Variants in CNTN5 observed in about 807,000 individuals in gnomAD.
CNTN5 encodes the protein contactin-5.
Under a neutral mutation model 129.1 loss-of-function variants are expected in CNTN5, and 77 were observed. The observed-to-expected ratio is 0.60, with a 90% CI of 0.50 to 0.72. The LOEUF (loss-of-function observed/expected upper bound fraction) is 0.72, where lower values mean the gene tolerates loss of function less well. CNTN5 is among the 30% of genes least tolerant of loss of function. The pLI, the probability that CNTN5 is intolerant of heterozygous loss-of-function variation, is 0.00. For missense variants in CNTN5, 1,478 were observed against 1,328.8 expected, an observed-to-expected ratio of 1.11 and a Z score of -1.75; for synonymous variants, 509 against 465.6, an observed-to-expected ratio of 1.09 and a Z score of -1.20.
intron 1 of CNTN5, among the ~76,000 whole-genome samples, chr11:99,316,408 G>T (rs1865343675): frequency 6.6e-6 from 1 of 152,068 alleles, no homozygotes; most frequent in Non-Finnish European, 1.5e-5. Flanking sequence ...CATTTTTATA[G>T]TAAATTCTAG....
chr11:99,332,281 C>T (rs1866031642), intron 2 of CNTN5, among the ~76,000 whole-genome samples: 1 of 140,282 alleles, frequency 7.1e-6, no homozygotes, highest in African/African-American at 2.7e-5. Context: ...AAGATCAAAT[C>T]CTACTATTTC....
intron 13 of CNTN5, among the ~76,000 whole-genome samples, chr11:100,110,598 G>T (rs1018678526): frequency 2.0e-5 from 3 of 152,102 alleles, no homozygotes; most frequent in Admixed American, 1.3e-4. Flanking sequence ...TGAGAATAAG[G>T]TACCCTTTAT....
intron 9 of CNTN5, among the ~76,000 whole-genome samples, chr11:100,037,294 A>G (rs1237365638): frequency 6.6e-6 from 1 of 150,844 alleles, no homozygotes; most frequent in Non-Finnish European, 1.5e-5. Flanking sequence ...ATATTGAACC[A>G]GCCTTGCATC....
rs191604257 is a variant in CNTN5, at chr11:99,305,771, G to A, written c.-209-19575G>A. Among the ~76,000 whole-genome samples the A allele has an allele frequency of 1.3e-3, 196 of 151,806 alleles. 1 individual carries two copies. The highest frequency in any genetic ancestry group is 4.5e-3 in the African/African-American group (186 of 41,424). On this transcript the variant is annotated intron_variant, in intron 1 of 24. Coordinates refer to ENST00000524871, the MANE Select transcript of CNTN5 (RefSeq NM_014361.4). ...TGAGGCAGGTGGATCACCTGAGGTCGGGAGTTCGGGACCAGCCTGACAAAC... is the reference window on the plus strand; with the variant it reads ...TGAGGCAGGTGGATCACCTGAGGTCAGGAGTTCGGGACCAGCCTGACAAAC...
chr11:99,768,259 T>A (rs1944824204), intron 3 of CNTN5, among the ~76,000 whole-genome samples: 1 of 152,140 alleles, frequency 6.6e-6, no homozygotes, highest in Admixed American at 6.6e-5. Flanking sequence ...TCCACAGATT[T>A]TATGGATGTA....
chr11:99,788,674 G>T (rs1480538429), intron 3 of CNTN5, among the ~76,000 whole-genome samples: 5 of 151,844 alleles, frequency 3.3e-5, no homozygotes, highest in Non-Finnish European at 5.9e-5. Context: ...TGCTAAAGAT[G>T]CCTGTAAGGA....
At chr11:99,104,046 G>A (rs1485993765) in intron 1 of CNTN5, among the ~76,000 whole-genome samples, 1 of 152,128 alleles carries the variant, frequency 6.6e-6, no homozygotes, top group Non-Finnish European at 1.5e-5. Flanking sequence ...GACCTAGGAA[G>A]CTGATATATG....
intron 1 of CNTN5, among the ~76,000 whole-genome samples, chr11:99,269,109 C>G (rs1188520177): frequency 6.6e-6 from 1 of 151,916 alleles, no homozygotes; most frequent in African/African-American, 2.4e-5. Context: ...ATCATCCTGT[C>G]GAAGTGCCAA....
intron 21 of CNTN5, among the ~76,000 whole-genome samples, chr11:100,329,032 C>T (rs1488826133): frequency 1.3e-5 from 2 of 152,144 alleles, no homozygotes; most frequent in Non-Finnish European, 2.9e-5. Flanking sequence ...GGGATAAGTT[C>T]TCAGTCTTGA....
intron 2 of CNTN5, among the ~76,000 whole-genome samples, chr11:99,508,538 A>G (rs1172941212): frequency 6.6e-6 from 1 of 152,136 alleles, no homozygotes. Flanking sequence ...TTTTGTATCC[A>G]CAGGGTTTGC....
rs143865444 is a variant in CNTN5, at chr11:99,265,438, G to A, written c.-209-59908G>A. ...TATTATTTGGTGCTCTAATTAATTG[G>A]TTTAGTGCATAATGAAGCTGAAAGA... On this transcript the variant is annotated intron_variant, in intron 1 of 24. Transcript: ENST00000524871. Among the ~76,000 whole-genome samples, 26 of 152,076 alleles carry A rather than the reference G, an allele frequency of 1.7e-4. No homozygotes were observed. The East Asian group carries it at 4.4e-3, about 26-fold the overall frequency.
intron 1 of CNTN5, among the ~76,000 whole-genome samples, chr11:99,176,724 G>A (rs1204187855): frequency 6.6e-6 from 1 of 152,070 alleles, no homozygotes; most frequent in African/African-American, 2.4e-5. Context: ...ACAACCCTTG[G>A]TTAGATGCCA....
intron 2 of CNTN5, among the ~76,000 whole-genome samples, chr11:99,356,942 ATG>A (rs1271971214): frequency 4.6e-5 from 3 of 65,906 alleles, no homozygotes; most frequent in African/African-American, 1.1e-4. Context: ...AGTGAAAAAC[ATG>A]TGTATATAAC....
chr11:99,115,813 C>T (rs964827486), intron 1 of CNTN5, among the ~76,000 whole-genome samples: 3 of 151,906 alleles, frequency 2.0e-5, no homozygotes, highest in African/African-American at 7.3e-5. Context: ...GAATAACAGA[C>T]CTGCAAGGTA....
At chr11:99,371,435 G>A (rs1389332995) in intron 2 of CNTN5, among the ~76,000 whole-genome samples, 1 of 151,962 alleles carries the variant, frequency 6.6e-6, no homozygotes, top group Non-Finnish European at 1.5e-5. Flanking sequence ...AGTGTACTTT[G>A]AGTAATGACT....
chr11:99,279,546 C>T (rs1238763911), intron 1 of CNTN5, among the ~76,000 whole-genome samples: 1 of 151,732 alleles, frequency 6.6e-6, no homozygotes, highest in Non-Finnish European at 1.5e-5. Context: ...AAGGGACATG[C>T]TTGACATTTG....
intron 1 of CNTN5, among the ~76,000 whole-genome samples, chr11:99,203,409 T>C (rs1391251939): frequency 6.6e-6 from 1 of 152,202 alleles, no homozygotes; most frequent in African/African-American, 2.4e-5. Context: ...ATGAAGGTGA[T>C]ACAGTTCTGA....
intron 2 of CNTN5, among the ~76,000 whole-genome samples, chr11:99,470,151 C>T (rs768574311): frequency 6.6e-6 from 1 of 152,142 alleles, no homozygotes; most frequent in African/African-American, 2.4e-5. Flanking sequence ...TCTCTCATTT[C>T]ATTCTTGCTT....
At chr11:99,947,957 T>G (rs1423917959) in intron 7 of CNTN5, among the ~76,000 whole-genome samples, 1 of 152,224 alleles carries the variant, frequency 6.6e-6, no homozygotes, top group African/African-American at 2.4e-5. Flanking sequence ...TAAAATTTAA[T>G]TATTCGTGTT....
Sources: allele counts gnomAD v4.1 joint callset (sites outside exome capture counted in the v4.1 genomes callset), GRCh38; gene constraint gnomAD v4.1.1; transcripts MANE v1.5; gene names NCBI Gene and HGNC (gene_info 2026-07-23, HGNC 2026-07-21).